DENND4A: variants seen among roughly 807,000 people sequenced by gnomAD.
DENND4A encodes the protein C-myc promoter-binding protein.
A neutral mutation model predicts 199.3 loss-of-function variants in DENND4A; 70 were observed. That is an observed-to-expected ratio of 0.35 (90% CI 0.29 to 0.43). The LOEUF is 0.43. DENND4A is among the 20% of genes least tolerant of loss of function. DENND4A has a pLI of 1.00. For synonymous variants in DENND4A, 686 were observed against 766.9 expected, an observed-to-expected ratio of 0.89 and a Z score of 1.74; for missense variants, 1,723 against 2,255.8, an observed-to-expected ratio of 0.76 and a Z score of 4.78.
At chr15:65,697,463 T>G in intron 20 of DENND4A, 80 bp from the exon 21 acceptor site, 1 of 829,190 alleles carries the variant, frequency 1.2e-6, no homozygotes, top group East Asian at 2.7e-5. Flanking sequence ...AACATACTAG[T>G]GTTTGGATTT....
intron 7 of DENND4A, 47 bp from the exon 8 acceptor site, chr15:65,732,865 T>C (rs761766480): frequency 2.6e-6 from 3 of 1,172,910 alleles, no homozygotes; most frequent in South Asian, 2.6e-5. Flanking sequence ...GAACGTCATA[T>C]GCTATAAAGC....
chr15:65,735,659 G>A (rs1343028683), intron 7 of DENND4A, among the ~76,000 whole-genome samples: 1 of 152,192 alleles, frequency 6.6e-6, no homozygotes, highest in Non-Finnish European at 1.5e-5. Context: ...TCTGTATGAT[G>A]AAAGGGAAAC....
intron 1 of DENND4A, among the ~76,000 whole-genome samples, chr15:65,790,004 T>C (rs1214067442): frequency 6.6e-6 from 1 of 152,150 alleles, no homozygotes; most frequent in African/African-American, 2.4e-5. Flanking sequence ...AATACAAAAA[T>C]TAGCCAAGCA....
chr15:65,780,541 T>C (rs1041997797), intron 1 of DENND4A, among the ~76,000 whole-genome samples: 2 of 152,212 alleles, frequency 1.3e-5, no homozygotes, highest in Non-Finnish European at 2.9e-5. Flanking sequence ...CAACTTTCCA[T>C]GACATTTTCA....
intron 9 of DENND4A, 141 bp downstream of exon 9, chr15:65,731,501 T>C: frequency 1.4e-6 from 1 of 740,334 alleles, no homozygotes; most frequent in African/African-American, 1.8e-5. Context: ...AACCCAAACA[T>C]TAAGTAAAAG....
At chr15:65,692,755 G>A (rs895506485) in intron 22 of DENND4A, among the ~76,000 whole-genome samples, 1 of 152,054 alleles carries the variant, frequency 6.6e-6, no homozygotes, top group Admixed American at 6.6e-5. Context: ...CTGCTTGACA[G>A]GTTAAATATT....
chr15:65,681,584 T>G (rs990566696), intron 23 of DENND4A, among the ~76,000 whole-genome samples: 2 of 151,882 alleles, frequency 1.3e-5, no homozygotes, highest in African/African-American at 2.4e-5. Flanking sequence ...TTTTTGTTTT[T>G]TTTTTTTTTG....
chr15:65,729,504 T>G, intron 10 of DENND4A, 30 bp downstream of exon 10: 1 of 1,583,144 alleles, frequency 6.3e-7, no homozygotes, highest in Non-Finnish European at 8.6e-7. Flanking sequence ...TAAACTAAAT[T>G]GACTGCCAAT....
At chr15:65,700,915 A>G in intron 19 of DENND4A, 136 bp downstream of exon 19, 2 of 1,027,512 alleles carry the variant, frequency 1.9e-6, no homozygotes, top group Non-Finnish European at 2.7e-6. Flanking sequence ...TTTAAATGGG[A>G]AGAGTAATAT....
chr15:65,738,830 A>T lies in DENND4A; in HGVS notation c.677T>A (p.Leu226Gln). The change falls in exon 6 of 33, where the codon CTA becomes CAA. Residue 226 changes from leucine to glutamine, a missense_variant. Transcript: ENST00000443035. The part of the protein sequence containing the change: ...YPQEDYESFS[L>Q]PESVPLFCLP... ...ACAAAATAGAGGAACAGATTCCGGTAGTGAGAATGACTCATAATCTTCTTG... is the reference window on the plus strand; with the variant it reads ...ACAAAATAGAGGAACAGATTCCGGTTGTGAGAATGACTCATAATCTTCTTG... The T allele has an allele frequency of 2.5e-6, 4 of 1,609,816 alleles. No individual in the cohort carries two copies. Among genetic ancestry groups the T allele is most frequent in the Non-Finnish European group, 3.4e-6 (4 of 1,178,336 alleles).
chr15:65,735,808 A>G (rs1234323624), intron 7 of DENND4A, among the ~76,000 whole-genome samples: 2 of 151,954 alleles, frequency 1.3e-5, no homozygotes, highest in Non-Finnish European at 2.9e-5. Flanking sequence ...GATGACTGAC[A>G]GGCCAGGTGT....
At chr15:65,689,595 C>T (rs1028080141) in intron 23 of DENND4A, among the ~76,000 whole-genome samples, 6 of 152,166 alleles carry the variant, frequency 3.9e-5, no homozygotes, top group African/African-American at 1.2e-4. Flanking sequence ...GTAAGTATTC[C>T]AACTGAGGCC....
At chr15:65,772,706 C>CAAAAAAA (rs34181353) in intron 1 of DENND4A, among the ~76,000 whole-genome samples, 8 of 33,596 alleles carry the variant, frequency 2.4e-4, no homozygotes, top group East Asian at 1.1e-3. Flanking sequence ...GACTCCGTCT[C>CAAAAAAA]AAAAAAAAAA....
chr15:65,661,294 A>C lies in DENND4A; in HGVS notation c.*557T>G, dbSNP rs2075838555. ...ACACAGAGAGATCTGCAGCTGTACT[A>C]ATTACTTCAAATAGCAGCAGACAAG... On this transcript the variant is annotated 3_prime_UTR_variant, in exon 33 of 33. Transcript: ENST00000443035. 1 of 152,240 alleles carries C rather than the reference A, an allele frequency of 6.6e-6. No homozygotes were observed. The highest frequency in any genetic ancestry group is 2.1e-4 in the South Asian group (1 of 4,836). The allele number at this position is 152,240 out of a possible 1,614,324, so 9.4% of individuals were successfully genotyped here.
intron 1 of DENND4A, among the ~76,000 whole-genome samples, chr15:65,775,136 TAACA>T (rs1418952734): frequency 2.6e-5 from 4 of 152,104 alleles, no homozygotes; most frequent in Non-Finnish European, 5.9e-5. Flanking sequence ...AAAAGTAAAC[TAACA>T]AACCAACCAC....
chr15:65,700,702 T>C, intron 19 of DENND4A, 27 bp from the exon 20 acceptor site: 1 of 1,514,264 alleles, frequency 6.6e-7, no homozygotes. Context: ...GACAGCATTT[T>C]ACTACTCGAA....
intron 24 of DENND4A, among the ~76,000 whole-genome samples, chr15:65,673,379 G>T (rs148315787): frequency 6.6e-5 from 10 of 151,940 alleles, no homozygotes; most frequent in Admixed American, 6.5e-4. Flanking sequence ...GCTGAGGTGG[G>T]ATGATCACCT....
At chr15:65,768,991 T>C (rs1194396477) in intron 1 of DENND4A, among the ~76,000 whole-genome samples, 2 of 150,708 alleles carry the variant, frequency 1.3e-5, no homozygotes, top group Admixed American at 1.3e-4. Context: ...CAAAACTCTG[T>C]CTCAAAAAAA....
Position 65,729,558 on chromosome 15 carries a change from A to G in DENND4A, c.1287T>C (p.Thr429=). ...LIHSLRPSVL[T]SVTEALVSMI... ...CAGACACTAATGCTTCTGTCACACT[A>G]GTAAGCACGGATGGCCGTAGGGAAT... is the stretch of plus-strand genomic sequence containing the variant. The change falls in exon 10 of 33, where the codon ACT becomes ACC. Residue 429 remains threonine, a synonymous_variant. Transcript: ENST00000443035. The G allele has an allele frequency of 6.2e-7, 1 of 1,609,522 alleles. No individual in the cohort carries two copies. Among genetic ancestry groups the G allele is most frequent in the Non-Finnish European group, 8.5e-7 (1 of 1,177,708 alleles).
Sources: allele counts gnomAD v4.1 joint callset (sites outside exome capture counted in the v4.1 genomes callset), GRCh38; gene constraint gnomAD v4.1.1; transcripts MANE v1.5; gene names NCBI Gene and HGNC (gene_info 2026-07-23, HGNC 2026-07-21).